The following SYNE1 variants were observed in gnomAD, a reference collection of about 807,000 sequenced individuals.
SYNE1 encodes nesprin-1.
SYNE1 carries 616 observed loss-of-function variants against 1,111.0 expected under a neutral mutation model. That is an observed-to-expected ratio of 0.55 (90% CI 0.52 to 0.59). SYNE1 has a LOEUF of 0.59. Ranked by LOEUF, SYNE1 falls within the 20% of genes least tolerant of loss-of-function variation. SYNE1 has a pLI of 0.00. For synonymous variants in SYNE1, 3,855 were observed against 3,825.8 expected, an observed-to-expected ratio of 1.01 and a Z score of -0.28; for missense variants, 10,006 against 10,417.0, an observed-to-expected ratio of 0.96 and a Z score of 1.72.
chr6:152,413,941 A>G (rs1361198949), intron 41 of SYNE1, among the ~76,000 whole-genome samples: 1 of 151,736 alleles, frequency 6.6e-6, no homozygotes, highest in Non-Finnish European at 1.5e-5. Flanking sequence ...TAAGGATTAC[A>G]GTTGTTTCAT....
chr6:152,234,080 G>C, intron 111 of SYNE1, 117 bp from the exon 112 acceptor site: 1 of 1,094,758 alleles, frequency 9.1e-7, no homozygotes. Flanking sequence ...GGGTTATGCT[G>C]AACACTCAAA....
intron 62 of SYNE1, chr6:152,366,858 C>T (rs912456192): frequency 5.2e-6 from 2 of 386,408 alleles, no homozygotes; most frequent in East Asian, 6.7e-5. Context: ...TGGCTAAATA[C>T]AGGAAGACAA....
chr6:152,533,750 G>A (rs563088003), intron 4 of SYNE1, among the ~76,000 whole-genome samples: 1 of 152,116 alleles, frequency 6.6e-6, no homozygotes, highest in Non-Finnish European at 1.5e-5. Context: ...GCTTCATAAT[G>A]AGATGGTTAT....
intron 11 of SYNE1, among the ~76,000 whole-genome samples, chr6:152,491,970 C>G (rs1186806097): frequency 5.3e-5 from 8 of 152,118 alleles, no homozygotes; most frequent in Non-Finnish European, 1.5e-5. Context: ...TTTTGTTCCA[C>G]GACTAGCCCT....
chr6:152,294,567 C>A (rs2094775363), intron 93 of SYNE1, among the ~76,000 whole-genome samples: 1 of 152,014 alleles, frequency 6.6e-6, no homozygotes, highest in Non-Finnish European at 1.5e-5. Flanking sequence ...ATTAAATCTA[C>A]AGATGCAGCC....
chr6:152,313,464 CTTT>C (rs35627993), intron 87 of SYNE1, among the ~76,000 whole-genome samples: 171 of 135,620 alleles, frequency 1.3e-3, no homozygotes, highest in African/African-American at 4.2e-3. Flanking sequence ...ATTTTCTTTT[CTTT>C]TTTTTTTTTT....
chr6:152,215,106 G>A (rs201425866), intron 121 of SYNE1, 46 bp from the exon 122 acceptor site: 28 of 1,610,138 alleles, frequency 1.7e-5, no homozygotes, highest in Middle Eastern at 3.3e-4. Flanking sequence ...GGTCAAAAAA[G>A]TCAAAACTTT....
intron 127 of SYNE1, among the ~76,000 whole-genome samples, chr6:152,189,897 A>G (rs1222522877): frequency 6.6e-6 from 1 of 152,226 alleles, no homozygotes; most frequent in African/African-American, 2.4e-5. Flanking sequence ...ATGAAGTTTA[A>G]GCAGCACTGA....
At chr6:152,129,411 T>C (rs2054695034) in intron 145 of SYNE1, 1 of 152,214 alleles carries the variant, frequency 6.6e-6, no homozygotes, top group Non-Finnish European at 1.5e-5. Context: ...AGATGGACTA[T>C]ATAACACAAT....
At chr6:152,386,407 C>T (rs965051859) in intron 54 of SYNE1, among the ~76,000 whole-genome samples, 18 of 151,906 alleles carry the variant, frequency 1.2e-4, no homozygotes, top group African/African-American at 2.9e-4. Flanking sequence ...AAGATGAAAA[C>T]GAAGATAAAC....
chr6:152,215,084 G>C, intron 121 of SYNE1, 24 bp from the exon 122 acceptor site: 2 of 1,613,478 alleles, frequency 1.2e-6, no homozygotes, highest in Non-Finnish European at 1.7e-6. Flanking sequence ...TTAAAAGTAG[G>C]TTTAGCACCA....
chr6:152,516,614 T>C (rs1203729422), intron 6 of SYNE1, among the ~76,000 whole-genome samples: 2 of 151,852 alleles, frequency 1.3e-5, no homozygotes, highest in Non-Finnish European at 2.9e-5. Context: ...AGAGAAAGAG[T>C]CTTGCTCTGT....
In SYNE1 at chr6:152,309,883, C is replaced by T. The variant is rs756664669; in HGVS notation, c.17154G>A (p.Glu5718=). 1 of 1,614,076 alleles carries T rather than the reference C, an allele frequency of 6.2e-7. No individual in the cohort carries two copies. The highest frequency in any genetic ancestry group is 8.5e-7 in the Non-Finnish European group (1 of 1,180,030). ...LCHAALRLQE[E]ASRLQHTAIQ... ...TGGCGGTGTGCTGCAGCCGGCTGGC[C>T]TCTTCCTGCAGCCGCAGAGCAGCAT... is the stretch of plus-strand genomic sequence containing the variant. Residue 5718 remains glutamate (E), a synonymous_variant, in exon 90 of 146, where the codon GAG becomes GAA. Transcript: ENST00000367255.
In SYNE1 at chr6:152,121,984, TC is replaced by T. The variant is rs750457842; in HGVS notation, c.*451del. 11 of 184,848 alleles carry T rather than the reference TC, an allele frequency of 6.0e-5. No individual in the cohort carries two copies. Among genetic ancestry groups the T allele is most frequent in the Non-Finnish European group, 8.2e-5 (7 of 85,880 alleles). The allele number at this position is 184,848 out of a possible 1,614,324, so 11.5% of individuals were successfully genotyped here. On this transcript the variant is annotated 3_prime_UTR_variant, in exon 146 of 146. Transcript: ENST00000367255. The stretch of plus-strand genomic sequence containing the variant: ...TCTTAAAAATTGTATGTTACAAGGT[TC>T]TAAAATCTCTTCAGCACTGGTTGGT...
At chr6:152,389,122 AT>A (rs747717694) in intron 53 of SYNE1, among the ~76,000 whole-genome samples, 61 of 152,178 alleles carry the variant, frequency 4.0e-4, no homozygotes, top group Non-Finnish European at 7.2e-4. Flanking sequence ...GTAACCAGGG[AT>A]TTTTGTTCAC....
chr6:152,357,767 T>C (rs953227812), intron 66 of SYNE1, among the ~76,000 whole-genome samples: 1 of 152,236 alleles, frequency 6.6e-6, no homozygotes, highest in Non-Finnish European at 1.5e-5. Context: ...GTATCTGTAC[T>C]GTATTAAGTA....
Position 152,609,364 on chromosome 6 carries a change from C to T in SYNE1, c.67+18901G>A, listed in dbSNP as rs180902733. 1.2e-4 allele frequency among the ~76,000 whole-genome samples: 19 copies of T among 152,280 alleles called. 1 individual carries two copies. The East Asian group carries it at 3.1e-3, about 25-fold the overall frequency. ...GGTCCCACACTCACAGAGCCTTGCT[C>T]ACTGCTAGTGCACCAGTCTGAGATT... On this transcript the variant is annotated intron_variant, in intron 3 of 145. Transcript: ENST00000367255.
chr6:152,597,774 A>C (rs2099585991), intron 3 of SYNE1, among the ~76,000 whole-genome samples: 1 of 152,214 alleles, frequency 6.6e-6, no homozygotes, highest in South Asian at 2.1e-4. Flanking sequence ...TACATGCTTA[A>C]ATATGTAGTA....
chr6:152,452,012 GA>G (rs3830848), intron 25 of SYNE1, among the ~76,000 whole-genome samples: 108 of 141,712 alleles, frequency 7.6e-4, no homozygotes, highest in African/African-American at 2.2e-3. Context: ...AAAAAGAAAA[GA>G]AAAAAAAAAA....
Sources: gnomAD v4.1 joint callset for allele counts (sites outside exome capture counted in the v4.1 genomes callset) on GRCh38, gnomAD v4.1.1 for gene constraint, MANE v1.5 for transcripts, NCBI Gene and HGNC (gene_info 2026-07-23, HGNC 2026-07-21) for gene names.